The following TMEM255B variants were observed in gnomAD, a reference collection of about 807,000 sequenced individuals.
The protein encoded by TMEM255B is transmembrane protein 255B, also known as family with sequence similarity 70, member B.
In TMEM255B, 35 loss-of-function variants were observed where a neutral mutation model predicts 34.5. The observed-to-expected ratio is 1.01, with a 90% confidence interval of 0.77 to 1.34. The LOEUF (loss-of-function observed/expected upper bound fraction) is 1.34, where lower values mean the gene tolerates loss of function less well. Among genes scored for constraint, TMEM255B ranks in the 40% most tolerant of loss-of-function variants. The pLI, the probability that TMEM255B is intolerant of heterozygous loss-of-function variation, is 0.00. For missense variants in TMEM255B, 432 were observed against 433.2 expected, an observed-to-expected ratio of 1.00 and a Z score of 0.02; for synonymous variants, 206 against 201.2, an observed-to-expected ratio of 1.02 and a Z score of -0.20.
At chr13:113,774,749 A>ACACACAC (rs199904110) in intron 3 of TMEM255B, among the ~76,000 whole-genome samples, 1 of 146,958 alleles carries the variant, frequency 6.8e-6, no homozygotes, top group Non-Finnish European at 1.5e-5. Context: ...CACACACACT[A>ACACACAC]CACACACCAC....
intron 5 of TMEM255B, chr13:113,799,813 T>G: frequency 1.6e-6 from 1 of 636,868 alleles, no homozygotes; most frequent in Non-Finnish European, 2.9e-6. Context: ...CATTTCTCTT[T>G]CCAGGTGAGT....
chr13:113,801,702 C>G lies in TMEM255B; in HGVS notation c.559C>G (p.Gln187Glu). The stretch of plus-strand genomic sequence containing the variant: ...TGAGTTCATCGGCGTCAGCGGCTGC[C>G]AGGACGTGCTGCACCTGTACCGCCT... ...YYEFIGVSGCQDVLHLYRLLW... is the reference protein window; with the variant it reads ...YYEFIGVSGCEDVLHLYRLLW... The change falls in exon 7 of 9, where the codon CAG (glutamine) becomes GAG (glutamate). Residue 187 changes from glutamine to glutamate, a missense_variant. By Grantham distance (29) the Gln-to-Glu change is conservative (BLOSUM62 2). Coordinates refer to ENST00000375353, the MANE Select transcript of TMEM255B (RefSeq NM_182614.4). 1 of 1,612,252 alleles carries G rather than the reference C, an allele frequency of 6.2e-7. No homozygotes were observed. The highest frequency in any genetic ancestry group is 8.5e-7 in the Non-Finnish European group (1 of 1,179,414).
intron 6 of TMEM255B, among the ~76,000 whole-genome samples, chr13:113,801,386 C>A (rs2051056890): frequency 6.6e-6 from 1 of 152,218 alleles, no homozygotes; most frequent in Non-Finnish European, 1.5e-5. Context: ...AGACACCCGT[C>A]CTGCCAGGCC....
intron 3 of TMEM255B, among the ~76,000 whole-genome samples, chr13:113,790,762 A>G (rs1045097563): frequency 6.7e-6 from 1 of 148,352 alleles, no homozygotes. Context: ...AGACACATGG[A>G]CATCCTAGCT....
Position 113,813,506 on chromosome 13 carries a change from T to TGC in TMEM255B, c.*1604_*1605dup, listed in dbSNP as rs1269198193. 6.6e-6 allele frequency: 1 copy of TGC among 152,270 alleles called. No homozygotes were observed. The highest frequency in any genetic ancestry group is 1.5e-5 in the Non-Finnish European group (1 of 68,114). 9.4% of individuals were successfully genotyped at this position (152,270 alleles called of 1,614,324 possible). On this transcript the variant is annotated 3_prime_UTR_variant, in exon 9 of 9. Transcript: ENST00000375353. The stretch of plus-strand genomic sequence containing the variant: ...ATAAGGTGGAGGGGAGCCACACTCG[T>TGC]GCAGACACAGCCTCCTGCCCCCTCT...
At chr13:113,787,023 C>G (rs958058813) in intron 3 of TMEM255B, among the ~76,000 whole-genome samples, 2 of 152,216 alleles carry the variant, frequency 1.3e-5, no homozygotes, top group African/African-American at 4.8e-5. Flanking sequence ...TAAGGCACTT[C>G]TGAGAGGTTC....
Position 113,770,176 on chromosome 13 carries a change from G to A in TMEM255B, c.252+1016G>A, listed in dbSNP as rs182389605. Among the ~76,000 whole-genome samples the A allele has an allele frequency of 1.4e-3, 210 of 152,328 alleles. No homozygotes were observed. The highest frequency in any genetic ancestry group is 2.5e-3 in the Non-Finnish European group (172 of 68,028). ...GTGGCTGGGGAAGCCTCACGATCACGGCGGAAGGTAAGGAGGAGCAAGTCC... is the reference window on the plus strand; with the variant it reads ...GTGGCTGGGGAAGCCTCACGATCACAGCGGAAGGTAAGGAGGAGCAAGTCC... On this transcript the variant is annotated intron_variant, in intron 3 of 8. Coordinates refer to ENST00000375353, the MANE Select transcript of TMEM255B (RefSeq NM_182614.4). This position sits in a 1 kb window ranked among gnomAD's most constrained non-coding sequence, Gnocchi z 4.6.
intron 3 of TMEM255B, among the ~76,000 whole-genome samples, chr13:113,792,694 A>C (rs540789774): frequency 6.6e-6 from 1 of 152,334 alleles, no homozygotes; most frequent in East Asian, 1.9e-4. Flanking sequence ...GTCATTATTT[A>C]GTCAGTCGAA....
intron 3 of TMEM255B, among the ~76,000 whole-genome samples, chr13:113,773,386 C>T (rs1180708942): frequency 6.6e-6 from 1 of 152,222 alleles, no homozygotes; most frequent in Non-Finnish European, 1.5e-5. Flanking sequence ...AATAGAAACA[C>T]TTTTGCTTCT....
intron 7 of TMEM255B, 21 bp downstream of exon 7, chr13:113,801,833 C>T (rs749798952): frequency 1.2e-5 from 19 of 1,562,876 alleles, no homozygotes; most frequent in Non-Finnish European, 1.6e-5. Context: ...TTGGTGGGAC[C>T]CCCGCTGCTC....
At chr13:113,808,439 A>G (rs916245887) in intron 8 of TMEM255B, among the ~76,000 whole-genome samples, 1 of 152,138 alleles carries the variant, frequency 6.6e-6, no homozygotes, top group Non-Finnish European at 1.5e-5. Flanking sequence ...CCTGTCATTC[A>G]GTGGTTAACC....
chr13:113,788,812 G>A (rs2050783112), intron 3 of TMEM255B, among the ~76,000 whole-genome samples: 1 of 152,038 alleles, frequency 6.6e-6, no homozygotes, highest in Admixed American at 6.5e-5. Context: ...CCTCACCCCA[G>A]CCAGAGTTCT....
rs1308358495 is a variant in TMEM255B at position 113,806,311 on chromosome 13, G to A, written c.813+1283G>A. Among the ~76,000 whole-genome samples, 1 of 152,078 alleles carries A rather than the reference G, an allele frequency of 6.6e-6. No homozygotes were observed. The highest frequency in any genetic ancestry group is 1.5e-5 in the Non-Finnish European group (1 of 67,994). ...GGGTCCCTGGGGTCCAGGGGCCTGTGGGGCTGCTGGGGGTCCCTCGCGTTC... is the reference window on the plus strand; with the variant it reads ...GGGTCCCTGGGGTCCAGGGGCCTGTAGGGCTGCTGGGGGTCCCTCGCGTTC... On this transcript the variant is annotated intron_variant, in intron 8 of 8. Coordinates refer to ENST00000375353, the MANE Select transcript of TMEM255B (RefSeq NM_182614.4). The surrounding 1 kb of genome is among the most constrained non-coding windows in gnomAD (Gnocchi z 4.2).
intron 3 of TMEM255B, among the ~76,000 whole-genome samples, chr13:113,780,920 A>G (rs894669821): frequency 6.6e-6 from 1 of 152,242 alleles, no homozygotes; most frequent in Non-Finnish European, 1.5e-5. Context: ...ACTAAAATAT[A>G]TCAGAATTAT....
In TMEM255B at chr13:113,806,508, C is replaced by T. The variant is rs557833331; in HGVS notation, c.813+1480C>T. ...AAGCTGGGGCCCTGCTCCCTGGGAA[C>T]ACAAGGCCCCTGCTGGAGGTCTGGC... On this transcript the variant is annotated intron_variant, in intron 8 of 8. Transcript: ENST00000375353. This position sits in a 1 kb window ranked among gnomAD's most constrained non-coding sequence, Gnocchi z 4.2. Among the ~76,000 whole-genome samples, 11 of 152,164 alleles carry T rather than the reference C, an allele frequency of 7.2e-5. No individual in the cohort carries two copies. The highest frequency in any genetic ancestry group is 1.5e-4 in the Non-Finnish European group (10 of 68,014).
In TMEM255B at chr13:113,812,027, C is replaced by A; in HGVS notation, c.*124C>A. On this transcript the variant is annotated 3_prime_UTR_variant, in exon 9 of 9. Transcript: ENST00000375353. ...GGGAGAATGTTCCAGAAGTCTGTCCCCTCCTTTCCTCCCTGGGCACACTGG... is the reference window on the plus strand; with the variant it reads ...GGGAGAATGTTCCAGAAGTCTGTCCACTCCTTTCCTCCCTGGGCACACTGG... 1 of 1,254,482 alleles carries A rather than the reference C, an allele frequency of 8.0e-7. No individual in the cohort carries two copies. Among genetic ancestry groups the A allele is most frequent in the East Asian group, 2.4e-5 (1 of 41,770 alleles). 77.7% of individuals were successfully genotyped at this position (1,254,482 alleles called of 1,614,324 possible).
At chr13:113,772,807 C>T (rs527864856) in intron 3 of TMEM255B, among the ~76,000 whole-genome samples, 44 of 152,298 alleles carry the variant, frequency 2.9e-4, no homozygotes, top group Middle Eastern at 6.8e-3. Context: ...ATTACTGTAG[C>T]TTTAGAGTGA....
intron 5 of TMEM255B, chr13:113,799,859 G>A (rs1010005631): frequency 2.9e-5 from 26 of 882,576 alleles, no homozygotes; most frequent in African/African-American, 5.1e-5. Flanking sequence ...GGCGGCCGCC[G>A]CCTTCGCCAG....
At chr13:113,775,803 C>G (rs938818990) in intron 3 of TMEM255B, among the ~76,000 whole-genome samples, 1 of 152,250 alleles carries the variant, frequency 6.6e-6, no homozygotes, top group African/African-American at 2.4e-5. Flanking sequence ...GCTCCTGTGG[C>G]CCTGATGAGG....
Sources: gnomAD v4.1 joint callset for allele counts (sites outside exome capture counted in the v4.1 genomes callset) on GRCh38, gnomAD v4.1.1 for gene constraint, Gnocchi (gnomAD v3.1) non-coding constraint, MANE v1.5 for transcripts, NCBI Gene and HGNC (gene_info 2026-07-23, HGNC 2026-07-21) for gene names.